The following EXD3 variants were observed in gnomAD, a reference collection of about 807,000 sequenced individuals.
EXD3 encodes exonuclease 3'-5' domain containing 3, also known as exonuclease mut-7 homolog.
EXD3 carries 92 observed loss-of-function variants against 98.0 expected under a neutral mutation model. That is an observed-to-expected ratio of 0.94 (90% CI 0.79 to 1.12). EXD3 has a LOEUF of 1.12. Among genes scored for constraint, EXD3 ranks in the 50% most tolerant of loss-of-function variants. The probability of loss-of-function intolerance (pLI) is 0.00; values close to 1 mark genes in which losing one functional copy is unlikely to be tolerated. For missense variants in EXD3, 1,222 were observed against 1,191.6 expected (o/e 1.03, Z -0.38); for synonymous variants, 569 against 526.0 (o/e 1.08, Z -1.12).
rs1046203479 is a variant in EXD3 at position 137,371,154 on chromosome 9, CCA to C, written c.462+1749_462+1750del. On this transcript the variant is annotated intron_variant, in intron 5 of 21. Coordinates refer to ENST00000340951, the MANE Select transcript of EXD3 (RefSeq NM_017820.5). This position sits in a 1 kb window ranked among gnomAD's most constrained non-coding sequence, Gnocchi z 8.0. The stretch of plus-strand genomic sequence containing the variant: ...GCGAGGGAGGCGCATTCAGCCGGCC[CCA>C]GACAGTCTTTGAAAGGCTCTGTAAC... 2.2e-4 allele frequency among the ~76,000 whole-genome samples: 33 copies of C among 152,330 alleles called. 1 individual carries two copies. Among genetic ancestry groups the C allele is most frequent in the African/African-American group, 7.5e-4 (31 of 41,580 alleles).
chr9:137,353,872 T>C, intron 10 of EXD3: 1 of 988,240 alleles, frequency 1.0e-6, no homozygotes, highest in South Asian at 4.7e-5. Flanking sequence ...CTGAGGCTGC[T>C]TCCCCGGCGT....
At position 137,351,130 on chromosome 9, in the gene EXD3, C is replaced by T; in HGVS notation, c.1402G>A (p.Asp468Asn). ...CAGGACGTGCCCAGTTTTTGCAGGTCCCCCACCATCCCGTAGCCTGTGGGC... is the reference window on the plus strand; with the variant it reads ...CAGGACGTGCCCAGTTTTTGCAGGTTCCCCACCATCCCGTAGCCTGTGGGC... Reference protein sequence around the residue: ...ITKLGYGMVGDLQKLGTSCPA... With the variant: ...ITKLGYGMVGNLQKLGTSCPA... The change falls in exon 14 of 22, where the codon GAC becomes AAC. Residue 468 changes from aspartate to asparagine, a missense_variant. Asp to Asn is a conservative substitution (Grantham distance 23, BLOSUM62 1). Coordinates refer to ENST00000340951, the MANE Select transcript of EXD3 (RefSeq NM_017820.5). The T allele has an allele frequency of 1.3e-6, 2 of 1,578,256 alleles. No homozygotes were observed. The highest frequency in any genetic ancestry group is 1.3e-5 in the African/African-American group (1 of 74,178).
intron 17 of EXD3, among the ~76,000 whole-genome samples, chr9:137,332,375 G>T (rs982786024): frequency 1.9e-4 from 29 of 152,100 alleles, no homozygotes; most frequent in African/African-American, 6.5e-4. Context: ...GGATCACAAG[G>T]TCAGGAGATC....
At chr9:137,368,709 A>G (rs1206847414) in intron 5 of EXD3, among the ~76,000 whole-genome samples, 1 of 152,220 alleles carries the variant, frequency 6.6e-6, no homozygotes, top group African/African-American at 2.4e-5. Flanking sequence ...GAAAGCCTCG[A>G]GCCGGCTTCC....
chr9:137,318,591 G>C (rs1400436752), intron 19 of EXD3, among the ~76,000 whole-genome samples: 1 of 152,120 alleles, frequency 6.6e-6, no homozygotes, highest in African/African-American at 2.4e-5. Context: ...TTTTCCCATG[G>C]TAGACGGCAC....
At position 137,366,573 on chromosome 9, in the gene EXD3, G is replaced by A. The variant is rs1333772382; in HGVS notation, c.576C>T (p.Gly192=). The A allele has an allele frequency of 6.4e-7, 1 of 1,552,964 alleles. No homozygotes were observed. Among genetic ancestry groups the A allele is most frequent in the Admixed American group, 2.0e-5 (1 of 51,258 alleles). The change falls in exon 7 of 22, where the codon GGC becomes GGT. Residue 192 remains glycine, a synonymous_variant. Transcript: ENST00000340951. ...GCAGCCTCCTCTGGAGGTCCGGGAA[G>A]CCGGCCACATAGCGCTCCACGAGGG... ...KVALVERYVA[G]FPDLQRRLLV... is the part of the protein sequence containing the mutation.
Position 137,323,733 on chromosome 9 carries a change from G to A in EXD3, c.2176C>T (p.Arg726Cys), listed in dbSNP as rs750214840. ...GGGTGCGCAGGACCCACCTGGCAGC[G>A]GCTGAAGATGTCTGCGTGGGTGACA... ...VRVTHADIFS[R>C]CQACNCDQYL... Residue 726 changes from arginine (R) to cysteine (C), a missense_variant, in exon 19 of 22, where the codon CGC becomes TGC. Coordinates refer to ENST00000340951, the MANE Select transcript of EXD3 (RefSeq NM_017820.5). The A allele has an allele frequency of 6.8e-6, 11 of 1,612,026 alleles. No individual in the cohort carries two copies. In the Admixed American group the frequency reaches 1.0e-4, roughly 15 times the overall value.
At chr9:137,351,599 C>A in intron 12 of EXD3, 71 bp from the exon 13 acceptor site, 1 of 1,391,144 alleles carries the variant, frequency 7.2e-7, no homozygotes, top group South Asian at 1.3e-5. Flanking sequence ...GCCTGGAGGT[C>A]CTGAGCAGCT....
At chr9:137,421,040 T>A (rs1838490376) in intron 1 of EXD3, among the ~76,000 whole-genome samples, 1 of 152,148 alleles carries the variant, frequency 6.6e-6, no homozygotes, top group Non-Finnish European at 1.5e-5. Context: ...GGTCTCAAAC[T>A]CCTGGGCTCA....
At chr9:137,337,242 T>C (rs1257212102) in intron 17 of EXD3, among the ~76,000 whole-genome samples, 2 of 152,176 alleles carry the variant, frequency 1.3e-5, no homozygotes, top group Admixed American at 1.3e-4. Flanking sequence ...CTAACATAAC[T>C]TTAAAACATA....
At position 137,306,974 on chromosome 9, in the gene EXD3, G is replaced by A. The variant is rs771749432; in HGVS notation, c.2607C>T (p.Pro869=). The A allele has an allele frequency of 6.3e-7, 1 of 1,592,352 alleles. No individual in the cohort carries two copies. The highest frequency in any genetic ancestry group is 1.3e-5 in the African/African-American group (1 of 74,460). The change falls in exon 22 of 22, where the codon CCC becomes CCT. Residue 869 remains proline (P), a synonymous_variant. Coordinates refer to ENST00000340951, the MANE Select transcript of EXD3 (RefSeq NM_017820.5). ...CTCAGAAGGGACTGCTGGCCGGGCTGGGGGCTGGGCTCGGCTCGCAGGGGC... is the reference window on the plus strand; with the variant it reads ...CTCAGAAGGGACTGCTGGCCGGGCTAGGGGCTGGGCTCGGCTCGCAGGGGC... ...APSPCEPSPA[P]SPASSPF
chr9:137,321,410 G>A (rs1832025102), intron 19 of EXD3, among the ~76,000 whole-genome samples: 1 of 152,174 alleles, frequency 6.6e-6, no homozygotes, highest in South Asian at 2.1e-4. Flanking sequence ...TGGGAGGCTG[G>A]GATTACTCAC....
chr9:137,314,336 T>C (rs555980085), intron 19 of EXD3, among the ~76,000 whole-genome samples: 23 of 152,160 alleles, frequency 1.5e-4, no homozygotes, highest in Non-Finnish European at 2.4e-4. Flanking sequence ...GTTGCGAGTT[T>C]GCCAAAAGAA....
chr9:137,332,651 G>A (rs943225278), intron 17 of EXD3, among the ~76,000 whole-genome samples: 2 of 151,846 alleles, frequency 1.3e-5, no homozygotes, highest in Non-Finnish European at 2.9e-5. Context: ...AGACCATCCT[G>A]GCTAAAACAG....
chr9:137,392,323 T>C (rs1836963831), intron 2 of EXD3: 1 of 154,776 alleles, frequency 6.5e-6, no homozygotes, highest in Admixed American at 6.4e-5. Context: ...GAGGTGGCCA[T>C]GTGGACTCTC....
rs369468496 is a variant in EXD3, at chr9:137,371,238, C to T, written c.462+1667G>A. On this transcript the variant is annotated intron_variant, in intron 5 of 21. Transcript: ENST00000340951. This position sits in a 1 kb window ranked among gnomAD's most constrained non-coding sequence, Gnocchi z 8.0. ...TGCCTCCCTGCACTCTCCGCAGGCA[C>T]GGCCGCCATTCAGCGTCGCGCCACA... Among the ~76,000 whole-genome samples the T allele has an allele frequency of 2.6e-5, 4 of 152,346 alleles. No homozygotes were observed. Among genetic ancestry groups the T allele is most frequent in the East Asian group, 3.9e-4 (2 of 5,180 alleles).
At chr9:137,372,458 G>A (rs927536590) in intron 5 of EXD3, among the ~76,000 whole-genome samples, 20 of 152,228 alleles carry the variant, frequency 1.3e-4, no homozygotes, top group African/African-American at 3.9e-4. Flanking sequence ...CTGCCGTGCC[G>A]GGGACTCAGT....
chr9:137,339,256 G>C (rs142267847), intron 17 of EXD3, among the ~76,000 whole-genome samples: 3 of 152,070 alleles, frequency 2.0e-5, no homozygotes, highest in African/African-American at 7.2e-5. Flanking sequence ...ACATTACTCA[G>C]TTGCAGAAAA....
chr9:137,356,399 G>C, intron 7 of EXD3, 31 bp from the exon 8 acceptor site: 4 of 1,342,520 alleles, frequency 3.0e-6, no homozygotes, highest in Non-Finnish European at 4.2e-6. Flanking sequence ...AGCCTCTGTT[G>C]CTGTTTTAAG....
Sources: allele counts gnomAD v4.1 joint callset (sites outside exome capture counted in the v4.1 genomes callset), GRCh38; gene constraint gnomAD v4.1.1; non-coding constraint Gnocchi (gnomAD v3.1); transcripts MANE v1.5; gene names NCBI Gene and HGNC (gene_info 2026-07-23, HGNC 2026-07-21).